PCIF1: variants seen among roughly 807,000 people sequenced by gnomAD.
The protein encoded by PCIF1 is mRNA (2'-O-methyladenosine-N(6)-)-methyltransferase.
Under a neutral mutation model 86.9 loss-of-function variants are expected in PCIF1, and 12 were observed. The ratio of observed to expected loss-of-function variants is 0.14; its 90% CI spans 0.09 to 0.22. The LOEUF is 0.22. PCIF1 is among the 10% of genes least tolerant of loss of function. PCIF1 has a pLI of 1.00. For synonymous variants in PCIF1, 397 were observed against 372.0 expected, an observed-to-expected ratio of 1.07 and a Z score of -0.77; for missense variants, 701 against 951.1, an observed-to-expected ratio of 0.74 and a Z score of 3.46.
At position 45,941,037 on chromosome 20, in the gene PCIF1, C is replaced by T; in HGVS notation, c.519-16C>T. 3.1e-6 allele frequency: 5 copies of T among 1,614,190 alleles called. No individual in the cohort carries two copies. The highest frequency in any genetic ancestry group is 4.2e-6 in the Non-Finnish European group (5 of 1,180,030). ...GGTGGGCAGGACATCCTCATCACTC[C>T]TCTCTGTGCCCCAAGGGTCTACTGG... On this transcript the variant is annotated splice_polypyrimidine_tract_variant and intron_variant, in intron 6 of 16. Coordinates refer to ENST00000372409, the MANE Select transcript of PCIF1 (RefSeq NM_022104.4).
chr20:45,945,033 AG>A lies in PCIF1; in HGVS notation c.1168+7del. 1.2e-6 allele frequency: 2 copies of A among 1,604,350 alleles called. No individual in the cohort carries two copies. The highest frequency in any genetic ancestry group is 1.1e-5 in the South Asian group (1 of 90,000). Reference sequence around the variant, plus strand: ...CCTCAAGGAAAACAACATCTCAGGTAGGGGAAAGGTGAAGGAGGAGCCAGCT... The same window carrying A: ...CCTCAAGGAAAACAACATCTCAGGTAGGGAAAGGTGAAGGAGGAGCCAGCT... On this transcript the variant is annotated splice_donor_region_variant and intron_variant, in intron 11 of 16. Transcript: ENST00000372409.
At chr20:45,944,518 C>T (rs1334876464) in intron 10 of PCIF1, among the ~76,000 whole-genome samples, 1 of 152,240 alleles carries the variant, frequency 6.6e-6, no homozygotes, top group African/African-American at 2.4e-5. Flanking sequence ...TGGGACTGTG[C>T]TGGTTTGTCT....
Position 45,943,325 on chromosome 20 carries a change from C to G in PCIF1, c.822-15C>G, listed in dbSNP as rs1463547327. The G allele has an allele frequency of 6.2e-7, 1 of 1,613,838 alleles. No homozygotes were observed. Among genetic ancestry groups the G allele is most frequent in the Non-Finnish European group, 8.5e-7 (1 of 1,179,842 alleles). ...TGTATAGAAGGCCTCTAACTCTGCC[C>G]ACTCTGAAACGCAGGTTATCCCGAA... On this transcript the variant is annotated splice_polypyrimidine_tract_variant and intron_variant, in intron 8 of 16. Coordinates refer to ENST00000372409, the MANE Select transcript of PCIF1 (RefSeq NM_022104.4). This position sits in a 1 kb window ranked among gnomAD's most constrained non-coding sequence, Gnocchi z 5.5.
chr20:45,936,480 C>T (rs1362817500), intron 1 of PCIF1, among the ~76,000 whole-genome samples: 2 of 151,016 alleles, frequency 1.3e-5, no homozygotes, highest in East Asian at 2.0e-4. Context: ...TGAGCCACCG[C>T]GCCCGGCCTC....
Position 45,934,733 on chromosome 20 carries a change from CGAGGCG to C in PCIF1, c.-251_-246del, listed in dbSNP as rs1291855606. The C allele has an allele frequency of 2.5e-6, 1 of 398,762 alleles. No individual in the cohort carries two copies. The highest frequency in any genetic ancestry group is 2.1e-5 in the African/African-American group (1 of 48,596). The allele number at this position is 398,762 out of a possible 1,614,324, so 24.7% of individuals were successfully genotyped here. On this transcript the variant is annotated 5_prime_UTR_variant, in exon 1 of 17. Transcript: ENST00000372409. ...ATGGCGGCAGCGGCGCTGGGGAGGG[CGAGGCG>C]GAGGCGGCAAAACGGGCGGTCGAGC...
At chr20:45,945,390 C>G (rs1600508788) in intron 11 of PCIF1, among the ~76,000 whole-genome samples, 1 of 143,694 alleles carries the variant, frequency 7.0e-6, no homozygotes, top group East Asian at 3.3e-4. Context: ...GTCGCTATTA[C>G]GATGACGGCG....
intron 14 of PCIF1, 84 bp downstream of exon 14, chr20:45,946,468 C>T (rs2083527686): frequency 6.7e-7 from 1 of 1,500,288 alleles, no homozygotes; most frequent in East Asian, 2.3e-5. Context: ...GCTGTAGTGT[C>T]AGGCAGGCTT....
intron 4 of PCIF1, 83 bp from the exon 5 acceptor site, chr20:45,940,392 G>C: frequency 2.7e-6 from 4 of 1,455,070 alleles, no homozygotes; most frequent in Non-Finnish European, 2.7e-6. Context: ...TAGGAGCAGG[G>C]GTGGGAGGGC....
At chr20:45,938,301 TA>T (rs2083442805) in intron 2 of PCIF1, among the ~76,000 whole-genome samples, 1 of 152,232 alleles carries the variant, frequency 6.6e-6, no homozygotes, top group Admixed American at 6.5e-5. Context: ...TCCTGCCATG[TA>T]GTGTAAAATA....
chr20:45,947,379 G>C lies in PCIF1; in HGVS notation c.1824G>C (p.Gln608His). Residue 608 changes from glutamine (Q) to histidine (H), a missense_variant, in exon 16 of 17, where the codon CAG (glutamine) becomes CAC (histidine). By Grantham distance (24) the Gln-to-His change is conservative (BLOSUM62 0). This residue lies in a region of PCIF1 where 174 missense variants were observed against 206.9 expected (regional missense o/e 0.84). Transcript: ENST00000372409. This position sits in a 1 kb window ranked among gnomAD's most constrained non-coding sequence, Gnocchi z 5.4. ...AGCAGAGCCGCTTCAAACGCCACCAGTTGATCCTGCCTGCCTTTGAGCATG... is the reference window on the plus strand; with the variant it reads ...AGCAGAGCCGCTTCAAACGCCACCACTTGATCCTGCCTGCCTTTGAGCATG... ...RMEQSRFKRH[Q>H]LILPAFEHEY... 1 of 1,614,044 alleles carries C rather than the reference G, an allele frequency of 6.2e-7. No homozygotes were observed. Among genetic ancestry groups the C allele is most frequent in the Non-Finnish European group, 8.5e-7 (1 of 1,180,030 alleles).
chr20:45,946,004 T>C lies in PCIF1; in HGVS notation c.1342-25T>C. ...GACATGAGGGAGCACTGCTGAAGGC[T>C]CCTCCTCTCTGTCCCGCTCCACAGT... On this transcript the variant is annotated intron_variant, in intron 12 of 16. Coordinates refer to ENST00000372409, the MANE Select transcript of PCIF1 (RefSeq NM_022104.4). 3 of 1,613,880 alleles carry C rather than the reference T, an allele frequency of 1.9e-6. No individual in the cohort carries two copies. In the African/African-American group the frequency reaches 4.0e-5, roughly 22 times the overall value.
Position 45,939,059 on chromosome 20 carries a change from A to G in PCIF1, c.60A>G (p.Pro20=), listed in dbSNP as rs527582924. ...REEASLLSHS[P]GTSNQSQPCS... ...AAGCGTCCCTGCTGAGTCACTCCCC[A>G]GGTACCTCCAATCAGAGCCAGCCCT... The change falls in exon 3 of 17, where the codon CCA becomes CCG. Residue 20 remains proline, a synonymous_variant. Transcript: ENST00000372409. 2 of 1,613,984 alleles carry G rather than the reference A, an allele frequency of 1.2e-6. No homozygotes were observed. Among genetic ancestry groups the G allele is most frequent in the Non-Finnish European group, 1.7e-6 (2 of 1,179,946 alleles).
At chr20:45,942,301 A>T (rs371533017) in intron 7 of PCIF1, among the ~76,000 whole-genome samples, 103 of 81,166 alleles carry the variant, frequency 1.3e-3, no homozygotes, top group Admixed American at 1.6e-3. Flanking sequence ...TTTTTACATT[A>T]TGTAATACTT....
rs905158821 is a variant in PCIF1, at chr20:45,947,201, G to C, written c.1707+35G>C. On this transcript the variant is annotated intron_variant, in intron 15 of 16. Coordinates refer to ENST00000372409, the MANE Select transcript of PCIF1 (RefSeq NM_022104.4). The surrounding 1 kb of genome is among the most constrained non-coding windows in gnomAD (Gnocchi z 5.4). ...CTGCCAGGGTGAGAGGTGGGCAACA[G>C]GCAGGATTGCCAGCCACCTGGGAGG... 1.2e-5 allele frequency: 19 copies of C among 1,602,166 alleles called. No individual in the cohort carries two copies. The highest frequency in any genetic ancestry group is 1.5e-5 in the Non-Finnish European group (18 of 1,170,850).
Position 45,945,703 on chromosome 20 carries a change from G to T in PCIF1, c.1169-8G>T. 2 of 1,610,858 alleles carry T rather than the reference G, an allele frequency of 1.2e-6. No homozygotes were observed. Among genetic ancestry groups the T allele is most frequent in the Non-Finnish European group, 1.7e-6 (2 of 1,177,848 alleles). ...AGTGTGGTCCCTCACTGCTCTCCCTGCCCACAGAGGAGGTGGAGGCCCCTG... is the reference window on the plus strand; with the variant it reads ...AGTGTGGTCCCTCACTGCTCTCCCTTCCCACAGAGGAGGTGGAGGCCCCTG... On this transcript the variant is annotated splice_region_variant and splice_polypyrimidine_tract_variant and intron_variant, in intron 11 of 16. Transcript: ENST00000372409.
At chr20:45,937,215 G>T (rs1466309809) in intron 1 of PCIF1, among the ~76,000 whole-genome samples, 1 of 152,224 alleles carries the variant, frequency 6.6e-6, no homozygotes, top group Non-Finnish European at 1.5e-5. Context: ...TCCCTGTGCA[G>T]CCGTGCAGGT....
intron 2 of PCIF1, among the ~76,000 whole-genome samples, chr20:45,938,335 C>T (rs1295754300): frequency 6.6e-6 from 1 of 152,200 alleles, no homozygotes; most frequent in East Asian, 1.9e-4. Flanking sequence ...AGATTCCATG[C>T]CCTTCCCTAG....
At chr20:45,942,124 T>C (rs6017713) in intron 7 of PCIF1, among the ~76,000 whole-genome samples, 79,439 of 146,846 alleles carry the variant, frequency 0.54, 21,584 homozygotes, top group African/African-American at 0.67. Context: ...TACAGGTGCC[T>C]GCCACCACGC....
Position 45,943,197 on chromosome 20 carries a change from C to A in PCIF1, c.774C>A (p.Val258=). The A allele has an allele frequency of 6.2e-7, 1 of 1,614,118 alleles. No homozygotes were observed. The highest frequency in any genetic ancestry group is 8.5e-7 in the Non-Finnish European group (1 of 1,180,030). The part of the protein sequence containing the change: ...DPLLPSNCEP[V]VSPSMFREIM... ...TGTTGCCCAGCAACTGTGAACCAGT[C>A]GTGTCACCTTCCATGTTTCGTGAAA... The change falls in exon 8 of 17, where the codon GTC becomes GTA. Residue 258 remains valine, a synonymous_variant. Transcript: ENST00000372409. The surrounding 1 kb of genome is among the most constrained non-coding windows in gnomAD (Gnocchi z 5.5).
Sources: allele counts gnomAD v4.1 joint callset (sites outside exome capture counted in the v4.1 genomes callset), GRCh38; gene constraint gnomAD v4.1.1; regional missense constraint gnomAD v4.1.1; non-coding constraint Gnocchi (gnomAD v3.1); transcripts MANE v1.5; gene names NCBI Gene and HGNC (gene_info 2026-07-23, HGNC 2026-07-21).